CELSR2: variants seen among roughly 807,000 people sequenced by gnomAD.
The protein encoded by CELSR2 is cadherin EGF LAG seven-pass G-type receptor 2, also known as EGF-like protein 2.
In CELSR2, 81 loss-of-function variants were observed where a neutral mutation model predicts 251.6. That is an observed-to-expected ratio of 0.32 (90% CI 0.27 to 0.39). The LOEUF (loss-of-function observed/expected upper bound fraction) is 0.39, where lower values mean the gene tolerates loss of function less well. Among genes scored for constraint, CELSR2 ranks in the 10% least tolerant of loss-of-function variants. The probability of loss-of-function intolerance (pLI) is 1.00; values close to 1 mark genes in which losing one functional copy is unlikely to be tolerated. For missense variants in CELSR2, 3,365 were observed against 3,947.7 expected (o/e 0.85, Z 3.96); for synonymous variants, 1,721 against 1,670.5 (o/e 1.03, Z -0.74).
rs551273784 is a variant in CELSR2 at position 109,258,351 on chromosome 1, G to A, written c.3311-81G>A. 50 of 1,008,068 alleles carry A rather than the reference G, an allele frequency of 5.0e-5. No individual in the cohort carries two copies. The East Asian group carries it at 1.3e-3, about 26-fold the overall frequency. 62.4% of individuals were successfully genotyped at this position (1,008,068 alleles called of 1,614,324 possible). A position where few individuals can be genotyped will look rare whatever the true frequency, so the allele number is the denominator to read the frequency against. On this transcript the variant is annotated intron_variant, in intron 1 of 33. Transcript: ENST00000271332. ...ACCCTTATGCCAGTTGGAAAGGAGAGCCTTTCTTGGTGGGTGGTGCAGGAA... is the reference window on the plus strand; with the variant it reads ...ACCCTTATGCCAGTTGGAAAGGAGAACCTTTCTTGGTGGGTGGTGCAGGAA...
Position 109,261,368 on chromosome 1 carries a change from A to T in CELSR2, c.4181+104A>T. ...AGGTCAGGCAGTGAAAGCGTGGAGC[A>T]GGCTGCCGGCAGAGCCAGGTCTGCT... On this transcript the variant is annotated intron_variant, in intron 3 of 33. Coordinates refer to ENST00000271332, the MANE Select transcript of CELSR2 (RefSeq NM_001408.3). This position sits in a 1 kb window ranked among gnomAD's most constrained non-coding sequence, Gnocchi z 4.8. 3 of 1,385,008 alleles carry T rather than the reference A, an allele frequency of 2.2e-6. No individual in the cohort carries two copies. The highest frequency in any genetic ancestry group is 2.0e-6 in the Non-Finnish European group (2 of 986,372). The allele number at this position is 1,385,008 out of a possible 1,614,324, so 85.8% of individuals were successfully genotyped here.
chr1:109,264,712 G>A (rs929399049), intron 11 of CELSR2, 84 bp downstream of exon 11: 2 of 1,576,502 alleles, frequency 1.3e-6, no homozygotes, highest in Non-Finnish European at 1.7e-6. Flanking sequence ...TGGGGCATGG[G>A]GCATCACACC....
rs1455877280 is a variant in CELSR2, at chr1:109,264,210, C to T, written c.5134C>T (p.Pro1712Ser). 6.2e-7 allele frequency: 1 copy of T among 1,613,488 alleles called. No individual in the cohort carries two copies. Among genetic ancestry groups the T allele is most frequent in the Admixed American group, 1.7e-5 (1 of 60,024 alleles). Residue 1712 changes from proline (P) to serine (S), a missense_variant, in exon 10 of 34, where the codon CCC becomes TCC. By Grantham distance (74) the Pro-to-Ser change is moderately conservative. Around this residue, in one of 5 missense-constraint regions of CELSR2, gnomAD observed 2,093 missense variants for 2,382.8 expected, o/e 0.88. Coordinates refer to ENST00000271332, the MANE Select transcript of CELSR2 (RefSeq NM_001408.3). ...AQLALGASGGPGHAILSFDYG... is the reference protein window; with the variant it reads ...AQLALGASGGSGHAILSFDYG... ...GCTGGCACTGGGAGCCAGCGGGGGGCCCGGCCATGCCATTCTGTCCTTCGA... is the reference window on the plus strand; with the variant it reads ...GCTGGCACTGGGAGCCAGCGGGGGGTCCGGCCATGCCATTCTGTCCTTCGA...
rs200084754 is a variant in CELSR2 at position 109,270,052 on chromosome 1, C to G, written c.7227C>G (p.His2409Gln). 6.2e-7 allele frequency: 1 copy of G among 1,614,130 alleles called. No individual in the cohort carries two copies. The highest frequency in any genetic ancestry group is 1.7e-5 in the Admixed American group (1 of 60,020). ...TLLRILRSNQHGIRRNLTAAL... is the reference protein window; with the variant it reads ...TLLRILRSNQQGIRRNLTAAL... ...TGCGTATCCTGCGCTCCAACCAACA[C>G]GGCATCCGACGTAACCTGACAGCTG... is the stretch of plus-strand genomic sequence containing the variant. The change falls in exon 23 of 34, where the codon CAC becomes CAG. Residue 2409 changes from histidine to glutamine, a missense_variant. Coordinates refer to ENST00000271332, the MANE Select transcript of CELSR2 (RefSeq NM_001408.3).
chr1:109,253,588 TGCTGG>T (rs1208356478), intron 1 of CELSR2, among the ~76,000 whole-genome samples, 199 bp downstream of exon 1: 1 of 152,246 alleles, frequency 6.6e-6, no homozygotes, highest in African/African-American at 2.4e-5. Flanking sequence ...CCCCACCTTC[TGCTGG>T]GCTGGGCTGG....
At chr1:109,268,447 G>A in intron 17 of CELSR2, 134 bp from the exon 18 acceptor site, 1 of 1,212,918 alleles carries the variant, frequency 8.2e-7, no homozygotes, top group Admixed American at 2.9e-5. Context: ...GAGCATTTCA[G>A]GGGAGGCAAC....
In CELSR2 at chr1:109,252,867, G is replaced by A. The variant is rs141691609; in HGVS notation, c.2788G>A (p.Val930Met). 8 of 1,613,332 alleles carry A rather than the reference G, an allele frequency of 5.0e-6. No homozygotes were observed. The African/African-American group carries it at 9.3e-5, about 19-fold the overall frequency. ...VFEQDEFDVF[V>M]EENSPIGLAV... ...TGAGCAGGATGAGTTTGATGTGTTT[G>A]TGGAAGAGAACAGCCCCATTGGGCT... Residue 930 changes from valine to methionine, a missense_variant, in exon 1 of 34, where the codon GTG (valine) becomes ATG (methionine). Coordinates refer to ENST00000271332, the MANE Select transcript of CELSR2 (RefSeq NM_001408.3). The surrounding 1 kb of genome is among the most constrained non-coding windows in gnomAD (Gnocchi z 4.8).
chr1:109,251,525 C>G lies in CELSR2; in HGVS notation c.1446C>G (p.Pro482=). The G allele has an allele frequency of 1.9e-6, 3 of 1,613,684 alleles. No individual in the cohort carries two copies. The highest frequency in any genetic ancestry group is 2.5e-6 in the Non-Finnish European group (3 of 1,180,022). ...LRVRAQDGGR[P]PLSNVSGLVT... The stretch of plus-strand genomic sequence containing the variant: ...TGCGAGCACAGGATGGTGGCCGTCC[C>G]CCACTCTCTAATGTCTCTGGCTTGG... Residue 482 remains proline, a synonymous_variant, in exon 1 of 34, where the codon CCC becomes CCG. Transcript: ENST00000271332. The surrounding 1 kb of genome is among the most constrained non-coding windows in gnomAD (Gnocchi z 4.9).
chr1:109,272,190 T>C (rs1481463491), intron 28 of CELSR2, 88 bp from the exon 29 acceptor site: 3 of 1,475,976 alleles, frequency 2.0e-6, no homozygotes, highest in Middle Eastern at 1.8e-4. Flanking sequence ...AGGTGGAACT[T>C]AGGGCAAGTT....
At position 109,250,192 on chromosome 1, in the gene CELSR2, G is replaced by A. The variant is rs372138925; in HGVS notation, c.113G>A (p.Arg38His). ...TTGGGAGACCAAGTGGGGCCCTGTC[G>A]TTCCTTGGGGTCCAGGGGACGAGGC... is the stretch of plus-strand genomic sequence containing the variant. ...PLLGDQVGPC[R>H]SLGSRGRGSS... is the part of the protein sequence containing the mutation. Residue 38 changes from arginine to histidine, a missense_variant, in exon 1 of 34, where the codon CGT becomes CAT. By Grantham distance (29) the Arg-to-His change is conservative. Around this residue, in one of 5 missense-constraint regions of CELSR2, gnomAD observed 704 missense variants for 784.1 expected, o/e 0.90. Transcript: ENST00000271332. This position sits in a 1 kb window ranked among gnomAD's most constrained non-coding sequence, Gnocchi z 4.4. The A allele has an allele frequency of 5.6e-6, 9 of 1,599,328 alleles. No homozygotes were observed. The highest frequency in any genetic ancestry group is 7.7e-6 in the Non-Finnish European group (9 of 1,174,670).
chr1:109,273,065 G>A, intron 31 of CELSR2, 38 bp downstream of exon 31: 1 of 1,597,328 alleles, frequency 6.3e-7, no homozygotes, highest in Non-Finnish European at 8.5e-7. Flanking sequence ...TGGGGCCAGT[G>A]GGAGGACAGT....
chr1:109,272,319 C>A lies in CELSR2; in HGVS notation c.7968C>A (p.Tyr2656Ter). 1 of 1,611,072 alleles carries A rather than the reference C, an allele frequency of 6.2e-7. No individual in the cohort carries two copies. Among genetic ancestry groups the A allele is most frequent in the East Asian group, 2.2e-5 (1 of 44,802 alleles). ...GCCCCTACGCAGATGGGCGGCTGTA[C>A]CAGCCCTACGGAGACTCGGCCGGCT... Reference protein sequence around the residue: ...CPSPYADGRLYQPYGDSAGSL... With the variant: ...CPSPYADGRL Residue 2656 changes from tyrosine to a stop codon, truncating the protein, a stop_gained, in exon 29 of 34, where the codon TAC becomes TAA. Coordinates refer to ENST00000271332, the MANE Select transcript of CELSR2 (RefSeq NM_001408.3). LOFTEE classifies it high-confidence loss of function.
At chr1:109,257,663 T>G (rs1169431284) in intron 1 of CELSR2, among the ~76,000 whole-genome samples, 1 of 152,180 alleles carries the variant, frequency 6.6e-6, no homozygotes, top group Admixed American at 6.5e-5. Context: ...TCAGTGGGGC[T>G]CTGGGGTCTC....
rs1320126847 is a variant in CELSR2, at chr1:109,258,511, G to A, written c.3390G>A (p.Thr1130=). 1 of 1,602,786 alleles carries A rather than the reference G, an allele frequency of 6.2e-7. No individual in the cohort carries two copies. ...ATGAGATGCTCACCCACAGCATCAC[G>A]CTGCGCCTGGAGGACATGTCACCCG... is the stretch of plus-strand genomic sequence containing the variant. The part of the protein sequence containing the change: ...ITDEMLTHSI[T]LRLEDMSPER... Residue 1130 remains threonine, a synonymous_variant, in exon 2 of 34, where the codon ACG becomes ACA. Coordinates refer to ENST00000271332, the MANE Select transcript of CELSR2 (RefSeq NM_001408.3).
At chr1:109,262,583 G>T (rs1234595949) in intron 6 of CELSR2, 139 bp downstream of exon 6, 2 of 1,375,690 alleles carry the variant, frequency 1.5e-6, no homozygotes, top group Non-Finnish European at 1.9e-6. Context: ...ATGGGGTCAA[G>T]ACTGGGGAAT....
At position 109,264,560 on chromosome 1, in the gene CELSR2, C is replaced by G. The variant is rs779328619; in HGVS notation, c.5396C>G (p.Ser1799Ter). ...TGTAGCCTGCCTGACCCTTGTGACTCAAACCCGTGTCCTGCTAACAGCTAT... is the reference window on the plus strand; with the variant it reads ...TGTAGCCTGCCTGACCCTTGTGACTGAAACCCGTGTCCTGCTAACAGCTAT... ...QGCSLPDPCDSNPCPANSYCS... is the reference protein window; with the variant it reads ...QGCSLPDPCD Residue 1799 changes from serine to a stop codon, truncating the protein, a stop_gained, in exon 11 of 34, where the codon TCA becomes TGA. Transcript: ENST00000271332. LOFTEE classifies it high-confidence loss of function. 6.2e-7 allele frequency: 1 copy of G among 1,614,204 alleles called. No homozygotes were observed. The highest frequency in any genetic ancestry group is 1.7e-5 in the Admixed American group (1 of 60,032).
chr1:109,258,865 C>T lies in CELSR2; in HGVS notation c.3744C>T (p.Arg1248=). 6.2e-7 allele frequency: 1 copy of T among 1,612,488 alleles called. No homozygotes were observed. The highest frequency in any genetic ancestry group is 8.5e-7 in the Non-Finnish European group (1 of 1,179,396). Residue 1248 remains arginine (R), a synonymous_variant, in exon 2 of 34, where the codon CGC becomes CGT. Transcript: ENST00000271332. ...ENYMRCVSVL[R]FDSSAPFIAS... is the part of the protein sequence containing the mutation. The stretch of plus-strand genomic sequence containing the variant: ...ACATGCGCTGCGTGTCGGTGCTGCG[C>T]TTCGACTCCTCCGCGCCCTTCATCG...
rs1656377217 is a variant in CELSR2, at chr1:109,271,696, C to G, written c.7900C>G (p.Leu2634Val). Residue 2634 changes from leucine (L) to valine (V), a missense_variant, in exon 28 of 34, where the codon CTG (leucine) becomes GTG (valine). Around this residue, in one of 5 missense-constraint regions of CELSR2, gnomAD observed 2,093 missense variants for 2,382.8 expected, o/e 0.88. Coordinates refer to ENST00000271332, the MANE Select transcript of CELSR2 (RefSeq NM_001408.3). ...CCGCAAGCCCAGCCCTGACCCTGCT[C>G]TGACCACCAAGTCCACCCTGACCTC... Reference protein sequence around the residue: ...CSRKPSPDPALTTKSTLTSSY... With the variant: ...CSRKPSPDPAVTTKSTLTSSY... The G allele has an allele frequency of 1.2e-6, 2 of 1,614,006 alleles. No individual in the cohort carries two copies. Among genetic ancestry groups the G allele is most frequent in the Non-Finnish European group, 1.7e-6 (2 of 1,180,042 alleles).
rs1655715049 is a variant in CELSR2, at chr1:109,252,263, C to T, written c.2184C>T (p.Gly728=). The change falls in exon 1 of 34, where the codon GGC becomes GGT. Residue 728 remains glycine, a synonymous_variant. Coordinates refer to ENST00000271332, the MANE Select transcript of CELSR2 (RefSeq NM_001408.3). This position sits in a 1 kb window ranked among gnomAD's most constrained non-coding sequence, Gnocchi z 4.8. Reference sequence around the variant, plus strand: ...ATGTTAATGAGGACCGGCCGGCAGGCACCACGGTGGTGCTGATCAGCGCCA... The same window carrying T: ...ATGTTAATGAGGACCGGCCGGCAGGTACCACGGTGGTGCTGATCAGCGCCA... ...TVNVNEDRPA[G]TTVVLISATD... 4 of 1,613,348 alleles carry T rather than the reference C, an allele frequency of 2.5e-6. No homozygotes were observed. The highest frequency in any genetic ancestry group is 3.4e-6 in the Non-Finnish European group (4 of 1,180,032).
Sources: gnomAD v4.1 joint callset for allele counts (sites outside exome capture counted in the v4.1 genomes callset) on GRCh38, gnomAD v4.1.1 for gene constraint, gnomAD v4.1.1 regional missense constraint, Gnocchi (gnomAD v3.1) non-coding constraint, MANE v1.5 for transcripts, NCBI Gene and HGNC (gene_info 2026-07-23, HGNC 2026-07-21) for gene names.